Variants in RFX3 observed in about 807,000 individuals in gnomAD.
RFX3 encodes regulatory factor X3.
A neutral mutation model predicts 98.6 loss-of-function variants in RFX3; 14 were observed. The ratio of observed to expected loss-of-function variants is 0.14; its 90% CI spans 0.09 to 0.22. The LOEUF (loss-of-function observed/expected upper bound fraction) is 0.22. Among genes scored for constraint, RFX3 ranks in the 10% least tolerant of loss-of-function variants. The probability of loss-of-function intolerance (pLI) is 1.00; values close to 1 mark genes in which losing one functional copy is unlikely to be tolerated. For missense variants in RFX3, 639 were observed against 926.9 expected, an observed-to-expected ratio of 0.69 and a Z score of 4.03; for synonymous variants, 383 against 328.4, an observed-to-expected ratio of 1.17 and a Z score of -1.80.
chr9:3,503,371 A>C (rs1816262038), intron 1 of RFX3, among the ~76,000 whole-genome samples: 1 of 152,018 alleles, frequency 6.6e-6, no homozygotes, highest in Non-Finnish European at 1.5e-5. Context: ...ATTTCCTTAA[A>C]TAACTTAAAT....
intron 1 of RFX3, among the ~76,000 whole-genome samples, chr9:3,427,803 C>T (rs1219756099): frequency 1.3e-5 from 2 of 152,072 alleles, no homozygotes; most frequent in Admixed American, 1.3e-4. Context: ...GCCATATGTG[C>T]AGTTCATCAC....
chr9:3,403,810 G>A (rs545165688), intron 1 of RFX3, among the ~76,000 whole-genome samples: 1 of 152,082 alleles, frequency 6.6e-6, no homozygotes, highest in Non-Finnish European at 1.5e-5. Context: ...CAAAAGAAAC[G>A]AGCAGGTAGT....
intron 1 of RFX3, among the ~76,000 whole-genome samples, chr9:3,404,546 C>T (rs1162593775): frequency 6.6e-6 from 1 of 152,042 alleles, no homozygotes; most frequent in Non-Finnish European, 1.5e-5. Flanking sequence ...CCTCCAGAAA[C>T]AATAATTCCT....
intron 1 of RFX3, among the ~76,000 whole-genome samples, chr9:3,434,366 T>G (rs1204934031): frequency 6.6e-6 from 1 of 152,172 alleles, no homozygotes; most frequent in Non-Finnish European, 1.5e-5. Context: ...TATGTTCACC[T>G]TATTCGCATG....
At chr9:3,402,461 G>A (rs528686632) in intron 1 of RFX3, among the ~76,000 whole-genome samples, 2 of 151,992 alleles carry the variant, frequency 1.3e-5, no homozygotes, top group African/African-American at 4.8e-5. Flanking sequence ...TACTTAATGG[G>A]TATAGTAAAA....
chr9:3,288,621 T>C (rs1004609249), intron 6 of RFX3, among the ~76,000 whole-genome samples: 4 of 152,058 alleles, frequency 2.6e-5, no homozygotes, highest in Non-Finnish European at 5.9e-5. Flanking sequence ...AAAAATTAGT[T>C]AACAGGCCAA....
chr9:3,418,691 G>A (rs1843188100), intron 1 of RFX3, among the ~76,000 whole-genome samples: 1 of 152,086 alleles, frequency 6.6e-6, no homozygotes, highest in African/African-American at 2.4e-5. Context: ...AATACTTGAA[G>A]CTTATTAATC....
intron 1 of RFX3, among the ~76,000 whole-genome samples, chr9:3,454,122 A>T (rs1450503495): frequency 1.3e-5 from 2 of 152,210 alleles, no homozygotes; most frequent in African/African-American, 4.8e-5. Flanking sequence ...ATGAATTAGG[A>T]ATGTCATTCC....
intron 15 of RFX3, chr9:3,247,545 T>G: frequency 9.7e-7 from 1 of 1,032,974 alleles, no homozygotes; most frequent in South Asian, 2.4e-5. Flanking sequence ...AACATAGAAC[T>G]GTGCCTCGCA....
rs1416416896 is a variant in RFX3 at position 3,270,495 on chromosome 9, C to T, written c.1233G>A (p.Pro411=). Residue 411 remains proline, a synonymous_variant, in exon 11 of 17, where the codon CCG becomes CCA. Coordinates refer to ENST00000617270, the MANE Select transcript of RFX3 (RefSeq NM_001282116.2). Reference sequence around the variant, plus strand: ...TGCACAGAGTTATCAGCTTTGCTTTCGGAAGTCGACTTTCTATTTCACTCA... The same window carrying T: ...TGCACAGAGTTATCAGCTTTGCTTTTGGAAGTCGACTTTCTATTTCACTCA... ...SNLSEIESRL[P]KAKLITLCKH... is the part of the protein sequence containing the mutation. The T allele has an allele frequency of 3.7e-6, 6 of 1,613,202 alleles. No homozygotes were observed. The highest frequency in any genetic ancestry group is 1.1e-5 in the South Asian group (1 of 90,960).
chr9:3,425,008 T>C (rs796802307), intron 1 of RFX3, among the ~76,000 whole-genome samples: 2 of 152,238 alleles, frequency 1.3e-5, no homozygotes, highest in African/African-American at 4.8e-5. Flanking sequence ...GGCAGGTAGA[T>C]CACTTGAGCT....
At chr9:3,262,842 T>C in intron 13 of RFX3, 93 bp downstream of exon 13, 3 of 1,316,352 alleles carry the variant, frequency 2.3e-6, no homozygotes, top group Non-Finnish European at 3.2e-6. Flanking sequence ...CATATATAGA[T>C]GAGACTTTGA....
At chr9:3,370,045 G>C (rs1481999831) in intron 2 of RFX3, among the ~76,000 whole-genome samples, 4 of 142,230 alleles carry the variant, frequency 2.8e-5, no homozygotes, top group African/African-American at 1.1e-4. Flanking sequence ...GTTTCCCCGT[G>C]TTAGCCAGGA....
At chr9:3,335,364 T>A (rs555747940) in intron 3 of RFX3, among the ~76,000 whole-genome samples, 1 of 152,160 alleles carries the variant, frequency 6.6e-6, no homozygotes, top group Non-Finnish European at 1.5e-5. Flanking sequence ...TTTTAGGTAC[T>A]AGAAATAGAC....
chr9:3,230,837 T>C (rs1818357514), intron 15 of RFX3, among the ~76,000 whole-genome samples: 1 of 152,244 alleles, frequency 6.6e-6, no homozygotes, highest in Non-Finnish European at 1.5e-5. Flanking sequence ...TTATTATTGC[T>C]ATTGCTGATC....
chr9:3,468,827 A>G lies in RFX3; in HGVS notation c.-9+56920T>C, dbSNP rs570330914. Among the ~76,000 whole-genome samples, 8 of 151,170 alleles carry G rather than the reference A, an allele frequency of 5.3e-5. No individual in the cohort carries two copies. In the East Asian group the frequency reaches 5.9e-4, roughly 11 times the overall value. On this transcript the variant is annotated intron_variant, in intron 1 of 16. Transcript: ENST00000617270. ...TTGTTTTCCTTTTGAAAAAAAAAAA[A>G]AAAAGAAAAAAGAAAAAAAAGAAGA... is the stretch of plus-strand genomic sequence containing the variant.
chr9:3,275,581 T>C lies in RFX3; in HGVS notation c.1005A>G (p.Glu335=). Residue 335 remains glutamate (E), a synonymous_variant, in exon 9 of 17, where the codon GAA becomes GAG. Transcript: ENST00000617270. ...DASRALPEFG[E]VEISSLPDGT... Reference sequence around the variant, plus strand: ...CATCTGGCAGAGAAGAGATTTCAACTTCTCCAAACTCTGGAAGTGCTCGAG... The same window carrying C: ...CATCTGGCAGAGAAGAGATTTCAACCTCTCCAAACTCTGGAAGTGCTCGAG... 6.2e-7 allele frequency: 1 copy of C among 1,612,264 alleles called. No homozygotes were observed. Among genetic ancestry groups the C allele is most frequent in the Non-Finnish European group, 8.5e-7 (1 of 1,178,606 alleles).
In RFX3 at chr9:3,525,926, AAGAGAGAGAGAGAGGGAGAGAG is replaced by A; in HGVS notation, c.-210_-189del. On this transcript the variant is annotated 5_prime_UTR_variant, in exon 1 of 17. Transcript: ENST00000617270. ...AGGCAACGGTTGCTATAACTCACAA[AAGAGAGAGAGAGAGGGAGAGAG>A]AGAGAGAGCGAGAGGGAGAGGGAGA... 2.1e-6 allele frequency: 2 copies of A among 957,606 alleles called. No individual in the cohort carries two copies. Among genetic ancestry groups the A allele is most frequent in the Non-Finnish European group, 2.5e-6 (2 of 807,866 alleles). 59.3% of individuals were successfully genotyped at this position (957,606 alleles called of 1,614,324 possible).
In RFX3 at chr9:3,224,956, G is replaced by C; in HGVS notation, c.*86C>G. On this transcript the variant is annotated 3_prime_UTR_variant, in exon 17 of 17. Coordinates refer to ENST00000617270, the MANE Select transcript of RFX3 (RefSeq NM_001282116.2). ...TCAGCACAGATAGAATTTGACAACAGTCGACCTTCAGGCTTATTAAATTTT... is the reference window on the plus strand; with the variant it reads ...TCAGCACAGATAGAATTTGACAACACTCGACCTTCAGGCTTATTAAATTTT... 2 of 1,312,902 alleles carry C rather than the reference G, an allele frequency of 1.5e-6. No individual in the cohort carries two copies. The highest frequency in any genetic ancestry group is 2.1e-6 in the Non-Finnish European group (2 of 932,020). 81.3% of individuals were successfully genotyped at this position (1,312,902 alleles called of 1,614,324 possible).
Sources: gnomAD v4.1 joint callset for allele counts (sites outside exome capture counted in the v4.1 genomes callset) on GRCh38, gnomAD v4.1.1 for gene constraint, MANE v1.5 for transcripts, NCBI Gene and HGNC (gene_info 2026-07-23, HGNC 2026-07-21) for gene names.